Variants in ARHGAP6 observed in about 807,000 individuals in gnomAD.
The protein encoded by ARHGAP6 is rho GTPase-activating protein 6.
In ARHGAP6, 16 loss-of-function variants were observed where a neutral mutation model predicts 55.7. That is an observed-to-expected ratio of 0.29 (90% CI 0.19 to 0.44). The LOEUF (loss-of-function observed/expected upper bound fraction) is 0.44, where lower values mean the gene tolerates loss of function less well. Among genes scored for constraint, ARHGAP6 ranks in the 20% least tolerant of loss-of-function variants. The probability of loss-of-function intolerance (pLI) is 1.00; values close to 1 mark genes in which losing one functional copy is unlikely to be tolerated. For missense variants in ARHGAP6, 698 were observed against 808.9 expected (o/e 0.86, Z 1.66); for synonymous variants, 382 against 360.9 (o/e 1.06, Z -0.66).
intron 1 of ARHGAP6, among the ~76,000 whole-genome samples, chrX:11,291,554 C>G (rs1389487191): frequency 9.0e-6 from 1 of 111,196 alleles, no homozygotes. Context: ...TGAATCCTTT[C>G]AGACACTCCA....
intron 1 of ARHGAP6, among the ~76,000 whole-genome samples, chrX:11,494,683 C>A (rs937440084): frequency 4.5e-5 from 5 of 111,757 alleles, no homozygotes; most frequent in Admixed American, 3.8e-4. Flanking sequence ...CTTTGAGGAA[C>A]CTGAAAGGAA....
intron 2 of ARHGAP6, among the ~76,000 whole-genome samples, chrX:11,250,593 G>C (rs776943695): frequency 9.0e-6 from 1 of 111,519 alleles, no homozygotes; most frequent in Admixed American, 9.5e-5. Context: ...AGCTTGTAGA[G>C]GCCATCTGCA....
chrX:11,168,657 T>C (rs1569238593), intron 9 of ARHGAP6, among the ~76,000 whole-genome samples: 1 of 112,065 alleles, frequency 8.9e-6, no homozygotes, highest in Non-Finnish European at 1.9e-5. Context: ...TCTAGTGGAA[T>C]AGGCAGGCTT....
At chrX:11,495,384 A>G (rs971516080) in intron 1 of ARHGAP6, among the ~76,000 whole-genome samples, 1 of 112,098 alleles carries the variant, frequency 8.9e-6, no homozygotes, top group Non-Finnish European at 1.9e-5. Context: ...ATCCTGATAA[A>G]TGAGACTTGA....
chrX:11,582,261 CT>C (rs1162327813), intron 1 of ARHGAP6, among the ~76,000 whole-genome samples: 1 of 111,263 alleles, frequency 9.0e-6, no homozygotes, highest in African/African-American at 3.3e-5. Context: ...ATCTCTCTGT[CT>C]TTGGAGTCCC....
rs183039477 is a variant in ARHGAP6 at position 11,373,225 on chromosome X, T to C, written c.589-118518A>G. ...AATCTTCAATGCCAGGATACACAGA[T>C]GTTAGTAGGTGAGACAACAGACCGA... On this transcript the variant is annotated intron_variant, in intron 1 of 12. Coordinates refer to ENST00000337414, the MANE Select transcript of ARHGAP6 (RefSeq NM_013427.3). Among the ~76,000 whole-genome samples, 422 of 110,182 alleles carry C rather than the reference T, an allele frequency of 3.8e-3. 1 individual carries two copies. Among genetic ancestry groups the C allele is most frequent in the South Asian group, 0.012 (32 of 2,583 alleles).
At chrX:11,476,228 C>G (rs1057449236) in intron 1 of ARHGAP6, among the ~76,000 whole-genome samples, 1 of 110,769 alleles carries the variant, frequency 9.0e-6, no homozygotes, top group African/African-American at 3.3e-5. Flanking sequence ...ATATCCAAAA[C>G]CAACTGAATT....
chrX:11,275,727 C>T (rs2047752714), intron 1 of ARHGAP6, among the ~76,000 whole-genome samples: 1 of 111,606 alleles, frequency 9.0e-6, no homozygotes, highest in Non-Finnish European at 1.9e-5. Context: ...TCTTGGGCTT[C>T]ACCAAGCCTC....
chrX:11,591,799 T>C (rs2051838234), intron 1 of ARHGAP6, among the ~76,000 whole-genome samples: 1 of 112,024 alleles, frequency 8.9e-6, no homozygotes, highest in Non-Finnish European at 1.9e-5. Context: ...TTGAAATGTA[T>C]ACTTGAAAGA....
chrX:11,535,442 A>T (rs1208437412), intron 1 of ARHGAP6, among the ~76,000 whole-genome samples: 1 of 112,203 alleles, frequency 8.9e-6, no homozygotes, highest in African/African-American at 3.2e-5. Context: ...TCTACTGAAG[A>T]GCGCTTCATC....
intron 1 of ARHGAP6, among the ~76,000 whole-genome samples, chrX:11,326,211 C>G (rs1210050896): frequency 1.9e-5 from 2 of 108,064 alleles, no homozygotes; most frequent in African/African-American, 6.8e-5. Context: ...TCACTGCAAC[C>G]TCCGCCTCCT....
At chrX:11,485,349 G>T (rs1227307909) in intron 1 of ARHGAP6, among the ~76,000 whole-genome samples, 1 of 106,767 alleles carries the variant, frequency 9.4e-6, no homozygotes, top group African/African-American at 3.5e-5. Context: ...GGAGAAGTAA[G>T]CTTCCAAAAA....
chrX:11,399,290 C>G (rs960282479), intron 1 of ARHGAP6, among the ~76,000 whole-genome samples: 23 of 96,631 alleles, frequency 2.4e-4, no homozygotes, highest in African/African-American at 7.7e-4. Context: ...GTGCCTCCCC[C>G]ACAAAATAGA....
chrX:11,174,620 T>TTC (rs2046163803), intron 8 of ARHGAP6, among the ~76,000 whole-genome samples: 1 of 58,928 alleles, frequency 1.7e-5, no homozygotes, highest in South Asian at 9.9e-4. Context: ...TTCTTTCTCT[T>TTC]TCTTTTCTTT....
At chrX:11,645,994 T>C (rs2052522481) in intron 1 of ARHGAP6, among the ~76,000 whole-genome samples, 1 of 103,040 alleles carries the variant, frequency 9.7e-6, no homozygotes. Context: ...TATTAAACTG[T>C]TTTCACATTG....
chrX:11,169,834 A>G lies in ARHGAP6; in HGVS notation c.1630-150T>C, dbSNP rs1022906717. On this transcript the variant is annotated intron_variant, in intron 8 of 12. Transcript: ENST00000337414. ...TCTGTCAGAATCCATGGAGGGCATCATTATTTTCCTTTTGCTTTAATATCT... is the reference window on the plus strand; with the variant it reads ...TCTGTCAGAATCCATGGAGGGCATCGTTATTTTCCTTTTGCTTTAATATCT... 3.2e-5 allele frequency: 13 copies of G among 404,030 alleles called. No individual in the cohort carries two copies. In the African/African-American group the frequency reaches 3.5e-4, roughly 11 times the overall value. The allele number at this position is 404,030 out of a possible 1,213,427, so 33.3% of individuals were successfully genotyped here.
At chrX:11,356,077 G>T (rs1348553542) in intron 1 of ARHGAP6, among the ~76,000 whole-genome samples, 1 of 111,262 alleles carries the variant, frequency 9.0e-6, no homozygotes, top group Non-Finnish European at 1.9e-5. Context: ...TGACACCTTA[G>T]GCACTAGGCA....
At chrX:11,488,293 T>C (rs1365912475) in intron 1 of ARHGAP6, among the ~76,000 whole-genome samples, 1 of 111,944 alleles carries the variant, frequency 8.9e-6, no homozygotes, top group African/African-American at 3.2e-5. Context: ...AGTATTTTGG[T>C]TATTTTTTGT....
chrX:11,231,545 C>G (rs1368659221), intron 2 of ARHGAP6, among the ~76,000 whole-genome samples: 26 of 112,165 alleles, frequency 2.3e-4, no homozygotes, highest in Non-Finnish European at 1.3e-4. Flanking sequence ...GGGAAAGGAC[C>G]ATCTCATTTC....
Sources: allele counts gnomAD v4.1 joint callset (sites outside exome capture counted in the v4.1 genomes callset), GRCh38; gene constraint gnomAD v4.1.1; transcripts MANE v1.5; gene names NCBI Gene and HGNC (gene_info 2026-07-23, HGNC 2026-07-21).